MCPH1: variants seen among roughly 807,000 people sequenced by gnomAD.
The protein encoded by MCPH1 is microcephalin 1.
In MCPH1, 104 loss-of-function variants were observed where a neutral mutation model predicts 84.5. The observed-to-expected ratio is 1.23, with a 90% CI of 1.05 to 1.45. The LOEUF (loss-of-function observed/expected upper bound fraction) is 1.45. MCPH1 is among the 40% of genes most tolerant of loss of function. The pLI, the probability that MCPH1 is intolerant of heterozygous loss-of-function variation, is 0.00. For missense variants in MCPH1, 1,498 were observed against 1,005.7 expected (o/e 1.49, Z -6.62); for synonymous variants, 514 against 366.8 (o/e 1.40, Z -4.58).
At chr8:6,407,427 G>A (rs1303340476) in intron 1 of MCPH1, among the ~76,000 whole-genome samples, 1 of 152,122 alleles carries the variant, frequency 6.6e-6, no homozygotes, top group Non-Finnish European at 1.5e-5. Context: ...AGTGCTGACA[G>A]GGCCTTAGAC....
At chr8:6,584,166 A>G (rs1194160768) in intron 12 of MCPH1, among the ~76,000 whole-genome samples, 1 of 152,186 alleles carries the variant, frequency 6.6e-6, no homozygotes, top group Non-Finnish European at 1.5e-5. Flanking sequence ...TTGTAATCAA[A>G]AGTCACATAT....
Position 6,514,921 on chromosome 8 carries a change from G to A in MCPH1, c.2214+14992G>A, listed in dbSNP as rs571789853. 6.6e-5 allele frequency: 41 copies of A among 618,618 alleles called. 1 individual carries two copies. In the South Asian group the frequency reaches 7.6e-4, roughly 11 times the overall value. The allele number at this position is 618,618 out of a possible 1,614,324, so 38.3% of individuals were successfully genotyped here. A position where few individuals can be genotyped will look rare whatever the true frequency, so the allele number is the denominator to read the frequency against. ...TATAAGGCACGGAGTAGACCATCGG[G>A]GTTGTCTAAGAAACAGATGGTTTCA... On this transcript the variant is annotated intron_variant, in intron 12 of 13. Transcript: ENST00000344683.
intron 3 of MCPH1, among the ~76,000 whole-genome samples, chr8:6,422,501 G>A (rs916938882): frequency 1.3e-5 from 2 of 152,210 alleles, no homozygotes; most frequent in African/African-American, 4.8e-5. Context: ...CCTACAATGG[G>A]GATGGTCACT....
intron 9 of MCPH1, among the ~76,000 whole-genome samples, chr8:6,468,718 T>G (rs1807318956): frequency 6.6e-6 from 1 of 151,672 alleles, no homozygotes; most frequent in African/African-American, 2.4e-5. Context: ...AAACTGATAC[T>G]GGTGCTGTAT....
intron 2 of MCPH1, among the ~76,000 whole-genome samples, chr8:6,411,421 C>G (rs746229830): frequency 1.3e-5 from 2 of 152,302 alleles, no homozygotes; most frequent in Middle Eastern, 6.8e-3. Context: ...TTTGGCAGAA[C>G]TAATTTTCAG....
chr8:6,533,017 A>C (rs1348930088), intron 12 of MCPH1, among the ~76,000 whole-genome samples: 2 of 152,248 alleles, frequency 1.3e-5, no homozygotes, highest in Non-Finnish European at 2.9e-5. Flanking sequence ...CTACGGAATC[A>C]CCACTCAGTT....
intron 9 of MCPH1, among the ~76,000 whole-genome samples, chr8:6,471,658 C>A (rs146104802): frequency 3.3e-4 from 51 of 152,318 alleles, no homozygotes; most frequent in African/African-American, 1.1e-3. Flanking sequence ...TCCACTTGAT[C>A]TTGGGTTAGC....
chr8:6,415,082 C>G (rs984280806), intron 3 of MCPH1, among the ~76,000 whole-genome samples, 199 bp downstream of exon 3: 1 of 151,818 alleles, frequency 6.6e-6, no homozygotes, highest in African/African-American at 2.4e-5. Flanking sequence ...CTAACTCTGC[C>G]TAGGGGGAAA....
At chr8:6,426,594 GC>G (rs1428166887) in intron 3 of MCPH1, among the ~76,000 whole-genome samples, 1 of 152,204 alleles carries the variant, frequency 6.6e-6, no homozygotes, top group African/African-American at 2.4e-5. Flanking sequence ...TGGAGATTGG[GC>G]TAGTTTGCCA....
intron 3 of MCPH1, among the ~76,000 whole-genome samples, chr8:6,417,933 AG>A (rs1799553149): frequency 6.6e-6 from 1 of 152,194 alleles, no homozygotes. Context: ...AAAGAGCATG[AG>A]GTTTTTGTTT....
chr8:6,603,898 T>G (rs753687038), intron 12 of MCPH1, among the ~76,000 whole-genome samples: 2 of 152,226 alleles, frequency 1.3e-5, no homozygotes, highest in African/African-American at 2.4e-5. Context: ...CTTTTTACAA[T>G]GCTTGATTTG....
chr8:6,415,542 C>T (rs1056473325), intron 3 of MCPH1, among the ~76,000 whole-genome samples: 10 of 151,836 alleles, frequency 6.6e-5, no homozygotes, highest in Non-Finnish European at 1.2e-4. Context: ...TTGGTAGAGA[C>T]GGGGTTTTAT....
At chr8:6,537,627 C>T (rs1036933916) in intron 12 of MCPH1, among the ~76,000 whole-genome samples, 1 of 151,662 alleles carries the variant, frequency 6.6e-6, no homozygotes, top group African/African-American at 2.4e-5. Context: ...ACTCCCACAA[C>T]GTTTTGAATG....
intron 11 of MCPH1, among the ~76,000 whole-genome samples, chr8:6,486,911 A>T (rs2440433): frequency 0.97 from 147,270 of 152,298 alleles, 71,379 homozygotes; most frequent in East Asian, 1. Context: ...TAATTTGATG[A>T]TTCCTGCACT....
At chr8:6,569,892 A>G (rs904362054) in intron 12 of MCPH1, among the ~76,000 whole-genome samples, 36 of 152,214 alleles carry the variant, frequency 2.4e-4, no homozygotes, top group African/African-American at 8.7e-4. Context: ...AGCTGGAGCC[A>G]CTGGGTCTTG....
At chr8:6,502,748 C>T in intron 12 of MCPH1, 2 of 280,972 alleles carry the variant, frequency 7.1e-6, no homozygotes, top group African/African-American at 2.2e-5. Context: ...TATTGTATAA[C>T]ATAAGTGTTC....
At chr8:6,587,381 C>G (rs1197240226) in intron 12 of MCPH1, among the ~76,000 whole-genome samples, 4 of 152,070 alleles carry the variant, frequency 2.6e-5, no homozygotes, top group African/African-American at 9.7e-5. Flanking sequence ...TCTTGTTCCC[C>G]CAGCTTTATG....
At chr8:6,625,163 C>T in intron 13 of MCPH1, 1 of 985,086 alleles carries the variant, frequency 1.0e-6, no homozygotes, top group Middle Eastern at 5.2e-4. Context: ...GCGTGAGCCA[C>T]CGTGCCTGGC....
intron 9 of MCPH1, among the ~76,000 whole-genome samples, chr8:6,460,090 C>T (rs1362150322): frequency 4.6e-5 from 7 of 151,850 alleles, no homozygotes; most frequent in African/African-American, 1.4e-4. Context: ...ACAGGCCGTC[C>T]TGTCTTTGAT....
Sources: allele counts gnomAD v4.1 joint callset (sites outside exome capture counted in the v4.1 genomes callset), GRCh38; gene constraint gnomAD v4.1.1; transcripts MANE v1.5; gene names NCBI Gene and HGNC (gene_info 2026-07-23, HGNC 2026-07-21).